The following SGCG variants were observed in gnomAD, a reference collection of about 807,000 sequenced individuals.
SGCG encodes the protein gamma-sarcoglycan.
A neutral mutation model predicts 29.3 loss-of-function variants in SGCG; 26 were observed. The ratio of observed to expected loss-of-function variants is 0.89; its 90% CI spans 0.65 to 1.23. The LOEUF (loss-of-function observed/expected upper bound fraction) is 1.23. Ranked by LOEUF, SGCG falls within the 50% of genes most tolerant of loss-of-function variation. The pLI, the probability that SGCG is intolerant of heterozygous loss-of-function variation, is 0.00. For missense variants in SGCG, 353 were observed against 356.0 expected (o/e 0.99, Z 0.07); for synonymous variants, 145 against 129.7 (o/e 1.12, Z -0.80).
At chr13:23,239,996 A>T (rs913249436) in intron 3 of SGCG, among the ~76,000 whole-genome samples, 2 of 152,184 alleles carry the variant, frequency 1.3e-5, no homozygotes, top group Non-Finnish European at 2.9e-5. Context: ...AAATGGTCAA[A>T]ACACCCCAAC....
intron 1 of SGCG, among the ~76,000 whole-genome samples, chr13:23,200,441 C>CA (rs1178678299): frequency 1.3e-5 from 2 of 151,862 alleles, no homozygotes; most frequent in African/African-American, 4.8e-5. Context: ...AACAAACAAA[C>CA]AAAAAAACTG....
intron 6 of SGCG, among the ~76,000 whole-genome samples, chr13:23,316,224 G>A (rs478605): frequency 0.36 from 54,669 of 152,080 alleles, 10,264 homozygotes; most frequent in Middle Eastern, 0.42. Flanking sequence ...TCCATCATGG[G>A]AAGGGCAGAG....
intron 3 of SGCG, among the ~76,000 whole-genome samples, chr13:23,248,045 C>A (rs201661823): frequency 0.24 from 36,462 of 150,266 alleles, 4,681 homozygotes; most frequent in South Asian, 0.4. Context: ...AAGGCCAAAG[C>A]GGGTGGATCA....
At chr13:23,167,234 T>C in the SGCG span, among the ~76,000 whole-genome samples, 1 of 152,228 alleles carries the variant, frequency 6.6e-6, no homozygotes, top group South Asian at 2.1e-4. Flanking sequence ...AAGATCTCAT[T>C]CTTTTTTATG....
intron 6 of SGCG, among the ~76,000 whole-genome samples, chr13:23,307,976 A>G (rs1421064876): frequency 2.6e-5 from 4 of 152,108 alleles, no homozygotes; most frequent in Admixed American, 1.3e-4. Flanking sequence ...ATGGGTCTCT[A>G]TAAATGTCAA....
At chr13:23,302,232 A>G (rs1173714079) in intron 6 of SGCG, among the ~76,000 whole-genome samples, 1 of 151,354 alleles carries the variant, frequency 6.6e-6, no homozygotes, top group Non-Finnish European at 1.5e-5. Flanking sequence ...TTCATTGATC[A>G]CTCTATCCTA....
At chr13:23,210,031 C>T (rs1398123500) in intron 2 of SGCG, among the ~76,000 whole-genome samples, 2 of 152,132 alleles carry the variant, frequency 1.3e-5, no homozygotes, top group East Asian at 1.9e-4. Context: ...ATACTCTTGA[C>T]CATTTATTAA....
At chr13:23,276,002 T>G (rs1881053467) in intron 4 of SGCG, among the ~76,000 whole-genome samples, 1 of 152,204 alleles carries the variant, frequency 6.6e-6, no homozygotes, top group Non-Finnish European at 1.5e-5. Context: ...TTTCCCAAAC[T>G]TAATTAATCA....
chr13:23,311,691 C>T (rs1034506670), intron 6 of SGCG, among the ~76,000 whole-genome samples: 17 of 152,122 alleles, frequency 1.1e-4, no homozygotes, highest in African/African-American at 3.4e-4. Context: ...ACCTCATGTG[C>T]GTATTCAGGA....
chr13:23,323,811 A>G (rs1454584836), intron 7 of SGCG, among the ~76,000 whole-genome samples: 1 of 152,236 alleles, frequency 6.6e-6, no homozygotes, highest in Non-Finnish European at 1.5e-5. Context: ...TGCCTCTCAT[A>G]GGAAAACAAA....
At chr13:23,192,906 C>T (rs1173397657) in intron 1 of SGCG, among the ~76,000 whole-genome samples, 1 of 152,080 alleles carries the variant, frequency 6.6e-6, no homozygotes, top group Non-Finnish European at 1.5e-5. Flanking sequence ...CTTTAGGTGC[C>T]AGTTATATAA....
intron 1 of SGCG, among the ~76,000 whole-genome samples, chr13:23,187,706 A>G (rs1877047689): frequency 6.6e-6 from 1 of 152,044 alleles, no homozygotes; most frequent in Non-Finnish European, 1.5e-5. Flanking sequence ...CTGGTGCCCC[A>G]CTTCTGACTT....
upstream of SGCG, among the ~76,000 whole-genome samples, chr13:23,179,548 T>A (rs1876663584): frequency 1.3e-5 from 2 of 152,222 alleles, no homozygotes; most frequent in Admixed American, 1.3e-4. Flanking sequence ...CATACAAAAA[T>A]ACATTTCATA....
At chr13:23,299,583 G>T (rs1161364938) in intron 6 of SGCG, among the ~76,000 whole-genome samples, 1 of 149,254 alleles carries the variant, frequency 6.7e-6, no homozygotes, top group African/African-American at 2.5e-5. Flanking sequence ...CTCCTGAGTA[G>T]CTGAGATGAC....
chr13:23,227,928 A>G (rs1878965322), intron 2 of SGCG, among the ~76,000 whole-genome samples: 1 of 152,166 alleles, frequency 6.6e-6, no homozygotes, highest in Non-Finnish European at 1.5e-5. Flanking sequence ...CTCCCCGCTC[A>G]GCCTCCAGAG....
chr13:23,250,421 T>C (rs34154892), intron 3 of SGCG, among the ~76,000 whole-genome samples: 2 of 152,222 alleles, frequency 1.3e-5, no homozygotes, highest in Non-Finnish European at 2.9e-5. Flanking sequence ...TTTATGATTG[T>C]TATTCTTTTA....
chr13:23,197,054 T>C (rs982057818), intron 1 of SGCG, among the ~76,000 whole-genome samples: 1 of 152,182 alleles, frequency 6.6e-6, no homozygotes, highest in African/African-American at 2.4e-5. Context: ...CATTGCCTTA[T>C]TATGATCTGT....
At chr13:23,174,780 G>A in the SGCG span, among the ~76,000 whole-genome samples, 1 of 152,142 alleles carries the variant, frequency 6.6e-6, no homozygotes, top group African/African-American at 2.4e-5. Context: ...TCTATGAAAG[G>A]AAACATAGTT....
At chr13:23,299,179 T>G (rs531080339) in intron 6 of SGCG, among the ~76,000 whole-genome samples, 2 of 151,942 alleles carry the variant, frequency 1.3e-5, no homozygotes, top group African/African-American at 4.8e-5. Flanking sequence ...CAGCTTTGAC[T>G]CCAGAGCCCA....
Sources: gnomAD v4.1 joint callset for allele counts (sites outside exome capture counted in the v4.1 genomes callset) on GRCh38, gnomAD v4.1.1 for gene constraint, MANE v1.5 for transcripts, NCBI Gene and HGNC (gene_info 2026-07-23, HGNC 2026-07-21) for gene names.